The following OXCT1 variants were observed in gnomAD, a reference collection of about 807,000 sequenced individuals.
OXCT1 encodes 3-oxoacid CoA-transferase 1.
OXCT1 carries 27 observed loss-of-function variants against 69.6 expected under a neutral mutation model. That is an observed-to-expected ratio of 0.39 (90% CI 0.29 to 0.54). The LOEUF (loss-of-function observed/expected upper bound fraction) is 0.54, where lower values mean the gene tolerates loss of function less well. Among genes scored for constraint, OXCT1 ranks in the 20% least tolerant of loss-of-function variants. The pLI is 0.72. For missense variants in OXCT1, 437 were observed against 650.2 expected (o/e 0.67, Z 3.57); for synonymous variants, 202 against 217.8 (o/e 0.93, Z 0.64).
chr5:41,794,041 C>T lies in OXCT1; in HGVS notation c.1210G>A (p.Val404Ile). ...VDLTMLGAMQ[V>I]SKYGDLANWM... is the part of the protein sequence containing the mutation. ...TTAGCCAGGTCACCATATTTGGAAA[C>T]CTGCATCGCTCCTAGCATTGTCAGA... Residue 404 changes from valine to isoleucine, a missense_variant, in exon 13 of 17, where the codon GTT becomes ATT. Physicochemically the swap from Val to Ile is conservative, Grantham distance 29 (BLOSUM62 3). This residue lies in a region of OXCT1 where 102 missense variants were observed against 162.1 expected (regional missense o/e 0.63). Transcript: ENST00000196371. The T allele has an allele frequency of 6.2e-7, 1 of 1,613,296 alleles. No homozygotes were observed. Among genetic ancestry groups the T allele is most frequent in the Non-Finnish European group, 8.5e-7 (1 of 1,179,342 alleles).
intron 4 of OXCT1, among the ~76,000 whole-genome samples, chr5:41,851,499 G>A (rs545607044): frequency 6.6e-6 from 1 of 152,134 alleles, no homozygotes; most frequent in East Asian, 1.9e-4. Flanking sequence ...TATCATACCA[G>A]GTAAGGGCCT....
intron 15 of OXCT1, among the ~76,000 whole-genome samples, chr5:41,744,127 C>A (rs1743344866): frequency 6.6e-6 from 1 of 152,112 alleles, no homozygotes; most frequent in South Asian, 2.1e-4. Flanking sequence ...GAATGTTCTT[C>A]CATTTGTTTG....
intron 14 of OXCT1, among the ~76,000 whole-genome samples, chr5:41,754,668 C>T (rs1455277209): frequency 2.0e-5 from 3 of 151,996 alleles, no homozygotes; most frequent in Non-Finnish European, 4.4e-5. Flanking sequence ...TGCATTTGTC[C>T]TCATGGGATA....
intron 13 of OXCT1, among the ~76,000 whole-genome samples, chr5:41,764,440 A>G (rs1271478018): frequency 6.6e-6 from 1 of 152,158 alleles, no homozygotes; most frequent in Non-Finnish European, 1.5e-5. Flanking sequence ...GTGTTGCTGT[A>G]TACTAGGGTG....
chr5:41,755,290 C>T (rs1307636394), intron 14 of OXCT1, among the ~76,000 whole-genome samples: 2 of 151,844 alleles, frequency 1.3e-5, no homozygotes, highest in East Asian at 1.9e-4. Context: ...CATTTTATAA[C>T]GTTTTTGCAG....
chr5:41,812,069 G>A (rs1005066695), intron 7 of OXCT1, among the ~76,000 whole-genome samples: 4 of 151,980 alleles, frequency 2.6e-5, no homozygotes, highest in Admixed American at 2.6e-4. Context: ...ACTCTGTATT[G>A]CCTTCTGGTC....
At position 41,756,663 on chromosome 5, in the gene OXCT1, A is replaced by G. The variant is rs1744090200; in HGVS notation, c.1338+5448T>C. 5.3e-5 allele frequency among the ~76,000 whole-genome samples: 8 copies of G among 152,250 alleles called. 2 individuals carry two copies. The South Asian group carries it at 1.7e-3, about 32-fold the overall frequency. On this transcript the variant is annotated intron_variant, in intron 14 of 16. Coordinates refer to ENST00000196371, the MANE Select transcript of OXCT1 (RefSeq NM_000436.4). ...TAAGGCTCTATTCTACTCGGTGCTT[A>G]TAACAGAGCCCCTGTCTTCATGGAG...
At chr5:41,808,124 T>C (rs1481040691) in intron 7 of OXCT1, among the ~76,000 whole-genome samples, 1 of 152,108 alleles carries the variant, frequency 6.6e-6, no homozygotes, top group Non-Finnish European at 1.5e-5. Flanking sequence ...CACATTAGTC[T>C]GTTATTTTAG....
chr5:41,834,487 C>CAAAAA lies in OXCT1; in HGVS notation c.732+5959_732+5963dup, dbSNP rs1209653207. Among the ~76,000 whole-genome samples, 76 of 74,930 alleles carry CAAAAA rather than the reference C, an allele frequency of 1.0e-3. 1 individual carries two copies. The highest frequency in any genetic ancestry group is 4.5e-3 in the East Asian group (9 of 1,988). The allele number at this position is 74,930 out of a possible 152,430, so 49.2% of individuals were successfully genotyped here. A position where few individuals can be genotyped will look rare whatever the true frequency, so the allele number is the denominator to read the frequency against. ...TATATCCCATGCCAATGGAAACCCA[C>CAAAAA]AAAAAAAAAAAAAAAAACAAAACAG... On this transcript the variant is annotated intron_variant, in intron 7 of 16. Transcript: ENST00000196371.
At chr5:41,815,196 T>C (rs1167551984) in intron 7 of OXCT1, among the ~76,000 whole-genome samples, 1 of 152,164 alleles carries the variant, frequency 6.6e-6, no homozygotes, top group Admixed American at 6.6e-5. Flanking sequence ...TTACTTCATA[T>C]ACCATCCCAA....
At chr5:41,837,006 G>A (rs1748397073) in intron 7 of OXCT1, among the ~76,000 whole-genome samples, 2 of 152,148 alleles carry the variant, frequency 1.3e-5, no homozygotes, top group South Asian at 2.1e-4. Context: ...AACATTTGCT[G>A]TAAATTATAT....
chr5:41,855,759 C>T (rs895146978), intron 3 of OXCT1, among the ~76,000 whole-genome samples: 1 of 152,156 alleles, frequency 6.6e-6, no homozygotes, highest in African/African-American at 2.4e-5. Flanking sequence ...ATAATTACAA[C>T]AGAGGGAGAG....
Position 41,862,752 on chromosome 5 carries a change from T to A in OXCT1, c.79-2A>T. On this transcript the variant is annotated splice_acceptor_variant, in intron 1 of 16. Coordinates refer to ENST00000196371, the MANE Select transcript of OXCT1 (RefSeq NM_000436.4). LOFTEE classifies it high-confidence loss of function. Reference sequence around the variant, plus strand: ...GGTGGAAAAGGAACAAACACATCCCTGAAATATTAAAAAAAAAAAATTGAT... The same window carrying A: ...GGTGGAAAAGGAACAAACACATCCCAGAAATATTAAAAAAAAAAAATTGAT... 6.3e-7 allele frequency: 1 copy of A among 1,584,750 alleles called. No homozygotes were observed. Among genetic ancestry groups the A allele is most frequent in the Non-Finnish European group, 8.7e-7 (1 of 1,154,092 alleles).
chr5:41,866,912 G>A (rs988570383), intron 1 of OXCT1, among the ~76,000 whole-genome samples: 1 of 152,188 alleles, frequency 6.6e-6, no homozygotes, highest in Non-Finnish European at 1.5e-5. Flanking sequence ...TTCCAAACAA[G>A]GGAGCCACAT....
At chr5:41,735,911 A>G (rs2111977855) in intron 16 of OXCT1, among the ~76,000 whole-genome samples, 1 of 152,362 alleles carries the variant, frequency 6.6e-6, no homozygotes, top group Admixed American at 6.5e-5. Flanking sequence ...ATGGAAGCTC[A>G]GCAATGAAGG....
chr5:41,805,993 G>T (rs1268925748), intron 8 of OXCT1, among the ~76,000 whole-genome samples: 4 of 151,960 alleles, frequency 2.6e-5, no homozygotes, highest in Non-Finnish European at 4.4e-5. Context: ...TTCTCCTCTG[G>T]TGCTCAGGGA....
intron 7 of OXCT1, among the ~76,000 whole-genome samples, chr5:41,826,070 T>C (rs1202802879): frequency 1.3e-5 from 2 of 152,106 alleles, no homozygotes; most frequent in East Asian, 3.9e-4. Flanking sequence ...AGCTATGAAG[T>C]GACAGATTTA....
intron 13 of OXCT1, among the ~76,000 whole-genome samples, chr5:41,765,181 A>G (rs1744538176): frequency 6.6e-6 from 1 of 152,152 alleles, no homozygotes; most frequent in African/African-American, 2.4e-5. Context: ...GGTCCCCACC[A>G]CTTGCATCTC....
At chr5:41,811,574 T>A (rs566452819) in intron 7 of OXCT1, among the ~76,000 whole-genome samples, 3 of 152,044 alleles carry the variant, frequency 2.0e-5, no homozygotes, top group African/African-American at 7.2e-5. Context: ...TTAGGCTTCA[T>A]GCTAAGGAAT....
Sources: allele counts gnomAD v4.1 joint callset (sites outside exome capture counted in the v4.1 genomes callset), GRCh38; gene constraint gnomAD v4.1.1; regional missense constraint gnomAD v4.1.1; transcripts MANE v1.5; gene names NCBI Gene and HGNC (gene_info 2026-07-23, HGNC 2026-07-21).